KCNK2: variants seen among roughly 807,000 people sequenced by gnomAD.
KCNK2 encodes the protein potassium channel subfamily K member 2.
In KCNK2, 21 loss-of-function variants were observed where a neutral mutation model predicts 40.5. That is an observed-to-expected ratio of 0.52 (90% CI 0.37 to 0.75). KCNK2 has a LOEUF of 0.75. Ranked by LOEUF, KCNK2 falls within the 30% of genes least tolerant of loss-of-function variation. The probability of loss-of-function intolerance (pLI) is 0.00; values close to 1 mark genes in which losing one functional copy is unlikely to be tolerated. For synonymous variants in KCNK2, 191 were observed against 202.2 expected, an observed-to-expected ratio of 0.94 and a Z score of 0.47; for missense variants, 399 against 531.6, an observed-to-expected ratio of 0.75 and a Z score of 2.45.
At chr1:215,203,422 G>A (rs991782243) in intron 6 of KCNK2, among the ~76,000 whole-genome samples, 1 of 152,134 alleles carries the variant, frequency 6.6e-6, no homozygotes, top group African/African-American at 2.4e-5. Flanking sequence ...GGTGAGGAGT[G>A]TATGTGATGT....
intron 1 of KCNK2, among the ~76,000 whole-genome samples, chr1:215,046,874 T>C (rs1311856551): frequency 6.6e-6 from 1 of 152,090 alleles, no homozygotes; most frequent in African/African-American, 2.4e-5. Context: ...ACTTTCAGTG[T>C]TAAGCTTGTT....
At chr1:215,153,526 G>C (rs1344012138) in intron 3 of KCNK2, among the ~76,000 whole-genome samples, 1 of 151,618 alleles carries the variant, frequency 6.6e-6, no homozygotes, top group Non-Finnish European at 1.5e-5. Flanking sequence ...TTAGGCCTTT[G>C]CATGCTGTTT....
intron 2 of KCNK2, among the ~76,000 whole-genome samples, chr1:215,109,015 A>G (rs1026384156): frequency 6.6e-6 from 1 of 152,022 alleles, no homozygotes; most frequent in Non-Finnish European, 1.5e-5. Flanking sequence ...ATATGCATAT[A>G]TATATCATTC....
intron 5 of KCNK2, among the ~76,000 whole-genome samples, chr1:215,182,213 A>G (rs1558128425): frequency 6.6e-6 from 1 of 152,068 alleles, no homozygotes; most frequent in Admixed American, 6.5e-5. Context: ...CTGGGTGTGG[A>G]GCAGAGAGGG....
chr1:215,091,370 C>T (rs1479844181), intron 2 of KCNK2, among the ~76,000 whole-genome samples: 2 of 152,078 alleles, frequency 1.3e-5, no homozygotes, highest in Non-Finnish European at 2.9e-5. Flanking sequence ...GCCTACTCCT[C>T]CACTTGGTGT....
chr1:215,098,923 T>C (rs974096504), intron 2 of KCNK2, among the ~76,000 whole-genome samples: 3 of 151,950 alleles, frequency 2.0e-5, no homozygotes, highest in Admixed American at 1.3e-4. Flanking sequence ...TTATTCTCTA[T>C]GTGATTTCAC....
chr1:215,067,920 T>C (rs1658614597), intron 1 of KCNK2, among the ~76,000 whole-genome samples: 1 of 152,134 alleles, frequency 6.6e-6, no homozygotes, highest in Non-Finnish European at 1.5e-5. Flanking sequence ...AACAAAATAT[T>C]GTTAGTGAGA....
intron 6 of KCNK2, among the ~76,000 whole-genome samples, chr1:215,214,016 A>G (rs1224346657): frequency 1.3e-5 from 2 of 152,178 alleles, no homozygotes; most frequent in Admixed American, 1.3e-4. Flanking sequence ...CTACCTTTAT[A>G]TTTCTACACC....
chr1:215,056,308 CA>C (rs71167804), intron 1 of KCNK2, among the ~76,000 whole-genome samples: 6 of 121,550 alleles, frequency 4.9e-5, no homozygotes, highest in Admixed American at 9.3e-5. Context: ...AACTCCATCT[CA>C]AAAAAAAAAA....
chr1:215,027,121 C>G (rs1657027334), intron 1 of KCNK2, among the ~76,000 whole-genome samples: 1 of 151,938 alleles, frequency 6.6e-6, no homozygotes, highest in Non-Finnish European at 1.5e-5. Context: ...ATCAAATATT[C>G]TTATCAATGC....
intron 3 of KCNK2, among the ~76,000 whole-genome samples, chr1:215,161,515 AG>A (rs1663193223): frequency 6.6e-6 from 1 of 151,894 alleles, no homozygotes; most frequent in Admixed American, 6.6e-5. Context: ...GGTTTGCTGC[AG>A]CCATCAACCA....
intron 6 of KCNK2, among the ~76,000 whole-genome samples, chr1:215,196,631 A>G (rs918642805): frequency 1.3e-5 from 2 of 152,030 alleles, no homozygotes; most frequent in Non-Finnish European, 2.9e-5. Flanking sequence ...TTTGAATAGG[A>G]CCGCAATGGA....
Position 215,206,221 on chromosome 1 carries a change from A to G in KCNK2, c.963+11129A>G, listed in dbSNP as rs1338899662. On this transcript the variant is annotated intron_variant, in intron 6 of 6. Transcript: ENST00000444842. ...AATCGGTTTTGTATGTAAAATTTCC[A>G]TAAGAAGAAATATTGAACTGAATGT... is the stretch of plus-strand genomic sequence containing the variant. 2.0e-5 allele frequency among the ~76,000 whole-genome samples: 3 copies of G among 152,184 alleles called. No individual in the cohort carries two copies. The East Asian group carries it at 5.8e-4, about 29-fold the overall frequency.
At chr1:215,055,808 A>G (rs1162813018) in intron 1 of KCNK2, among the ~76,000 whole-genome samples, 30 of 152,352 alleles carry the variant, frequency 2.0e-4, no homozygotes, top group Admixed American at 2.0e-3. Flanking sequence ...AAATGGCTAC[A>G]ACCAATGAAC....
chr1:215,094,259 G>A (rs1659880879), intron 2 of KCNK2, among the ~76,000 whole-genome samples: 1 of 151,636 alleles, frequency 6.6e-6, no homozygotes, highest in African/African-American at 2.4e-5. Context: ...ATAGATTTTA[G>A]GGACATAAAA....
chr1:215,070,888 G>A (rs1035693723), intron 1 of KCNK2, among the ~76,000 whole-genome samples: 2 of 152,130 alleles, frequency 1.3e-5, no homozygotes, highest in Non-Finnish European at 2.9e-5. Flanking sequence ...TGTATCAGAG[G>A]TAAAGAAGAG....
rs542179886 is a variant in KCNK2, at chr1:215,225,595, G to A, written c.964-9233G>A. On this transcript the variant is annotated intron_variant, in intron 6 of 6. Transcript: ENST00000444842. ...AAAGTTCCAGAATGTTTTTGTACAG[G>A]AGGAGGGCTATGTCAGTCAATGGTC... Among the ~76,000 whole-genome samples the A allele has an allele frequency of 3.3e-5, 5 of 152,318 alleles. No individual in the cohort carries two copies. The South Asian group carries it at 1.0e-3, about 32-fold the overall frequency.
At chr1:215,223,241 T>TAAAAAAAAAAAAAAAAAA (rs56890763) in intron 6 of KCNK2, among the ~76,000 whole-genome samples, 5 of 112,054 alleles carry the variant, frequency 4.5e-5, no homozygotes, top group African/African-American at 1.0e-4. Context: ...AGCTCTTTTC[T>TAAAAAAAAAAAAAAAAAA]AAAAAAAAAA....
At position 215,083,070 on chromosome 1, in the gene KCNK2, G is replaced by T; in HGVS notation, c.-316G>T. 1 of 316,894 alleles carries T rather than the reference G, an allele frequency of 3.2e-6. No individual in the cohort carries two copies. Among genetic ancestry groups the T allele is most frequent in the South Asian group, 7.6e-5 (1 of 13,208 alleles). 19.6% of individuals were successfully genotyped at this position (316,894 alleles called of 1,614,324 possible). ...CCCGGGTCGCCCGCGCTCTCCGGGT[G>T]ACCCGGGCCCGGCAGCAGGCGCGCG... On this transcript the variant is annotated 5_prime_UTR_variant, in exon 1 of 7. The change abolishes the stop of an existing upstream ORF in the 5' untranslated region. Coordinates refer to ENST00000444842, the MANE Select transcript of KCNK2 (RefSeq NM_001017425.3).
Sources: allele counts gnomAD v4.1 joint callset (sites outside exome capture counted in the v4.1 genomes callset), GRCh38; gene constraint gnomAD v4.1.1; transcripts MANE v1.5; gene names NCBI Gene and HGNC (gene_info 2026-07-23, HGNC 2026-07-21).